PTBP3: variants seen among roughly 807,000 people sequenced by gnomAD.
The protein encoded by PTBP3 is polypyrimidine tract-binding protein 3.
Under a neutral mutation model 58.7 loss-of-function variants are expected in PTBP3, and 20 were observed. The ratio of observed to expected loss-of-function variants is 0.34; its 90% CI spans 0.24 to 0.50. The LOEUF (loss-of-function observed/expected upper bound fraction) is 0.50. PTBP3 is among the 20% of genes least tolerant of loss of function. PTBP3 has a pLI of 0.98. For synonymous variants in PTBP3, 185 were observed against 219.8 expected (o/e 0.84, Z 1.40); for missense variants, 509 against 637.2 (o/e 0.80, Z 2.17).
At chr9:112,337,606 A>G (rs144890236), upstream of PTBP3, among the ~76,000 whole-genome samples, 7 of 152,274 alleles carry the variant, frequency 4.6e-5, no homozygotes, top group African/African-American at 9.6e-5. Context: ...CATTTTCTCT[A>G]TTTGCTAATT....
In PTBP3 at chr9:112,268,079, T is replaced by C; in HGVS notation, c.321A>G (p.Glu107=). 5 of 1,613,406 alleles carry C rather than the reference T, an allele frequency of 3.1e-6. No individual in the cohort carries two copies. Among genetic ancestry groups the C allele is most frequent in the Non-Finnish European group, 4.2e-6 (5 of 1,179,682 alleles). ...GATTAGGTAGATTGTCAGTCTTAAG[T>C]TCTCTGTGATTGGAATACTGAATAT... ...PVYIQYSNHR[E]LKTDNLPNQA... is the part of the protein sequence containing the mutation. The change falls in exon 4 of 14, where the codon GAA becomes GAG. Residue 107 remains glutamate, a synonymous_variant. Transcript: ENST00000374257.
the PTBP3 span, among the ~76,000 whole-genome samples, chr9:112,345,470 G>A: frequency 1.3e-5 from 2 of 151,050 alleles, no homozygotes; most frequent in African/African-American, 4.9e-5. Flanking sequence ...CCACCTCCTG[G>A]GTTCAGGTGA....
intron 1 of PTBP3, among the ~76,000 whole-genome samples, chr9:112,300,802 A>C (rs555375376): frequency 6.6e-6 from 1 of 152,174 alleles, no homozygotes; most frequent in East Asian, 1.9e-4. Context: ...TTGCATTTAT[A>C]TGGGGTACAA....
At chr9:112,305,784 CA>C (rs1309723815) in intron 1 of PTBP3, among the ~76,000 whole-genome samples, 4 of 151,922 alleles carry the variant, frequency 2.6e-5, no homozygotes, top group Non-Finnish European at 5.9e-5. Context: ...ACCAAAAATA[CA>C]AAAAATGAGC....
the PTBP3 span, among the ~76,000 whole-genome samples, chr9:112,348,185 G>A: frequency 6.6e-6 from 1 of 152,216 alleles, no homozygotes; most frequent in Non-Finnish European, 1.5e-5. Context: ...GCAGGCATGA[G>A]CAGGGCAGGA....
At chr9:112,320,710 A>G (rs958399627) in intron 1 of PTBP3, among the ~76,000 whole-genome samples, 11 of 152,232 alleles carry the variant, frequency 7.2e-5, no homozygotes, top group Admixed American at 2.6e-4. Context: ...ATCAAGGGAT[A>G]AGAATACAGT....
At chr9:112,238,653 A>C (rs1014364838) in intron 7 of PTBP3, among the ~76,000 whole-genome samples, 1 of 152,120 alleles carries the variant, frequency 6.6e-6, no homozygotes, top group African/African-American at 2.4e-5. Flanking sequence ...GGACACCAAA[A>C]AGGAAAATCC....
chr9:112,289,327 T>G (rs969702080), intron 2 of PTBP3, among the ~76,000 whole-genome samples: 3 of 152,290 alleles, frequency 2.0e-5, no homozygotes, highest in African/African-American at 7.2e-5. Flanking sequence ...TCTTCTACAT[T>G]GCTTATATCA....
chr9:112,322,197 G>C (rs1457850684), intron 1 of PTBP3, among the ~76,000 whole-genome samples: 2 of 149,442 alleles, frequency 1.3e-5, no homozygotes, highest in African/African-American at 5.0e-5. Flanking sequence ...AGGGGGAACA[G>C]TAACCTCTGT....
the PTBP3 span, among the ~76,000 whole-genome samples, chr9:112,370,601 C>T: frequency 1.3e-5 from 2 of 151,940 alleles, no homozygotes; most frequent in Admixed American, 6.6e-5. Flanking sequence ...TTCAAATTGT[C>T]TTAGCTATTG....
intron 1 of PTBP3, among the ~76,000 whole-genome samples, chr9:112,316,238 T>C (rs1829697899): frequency 6.6e-6 from 1 of 152,180 alleles, no homozygotes. Context: ...AAAGTATAGG[T>C]TGCACCTAGA....
At chr9:112,274,197 C>T (rs1246057888) in intron 3 of PTBP3, among the ~76,000 whole-genome samples, 2 of 152,064 alleles carry the variant, frequency 1.3e-5, no homozygotes, top group African/African-American at 4.8e-5. Context: ...TCTTAGTAAC[C>T]TCATGTGAAT....
intron 1 of PTBP3, among the ~76,000 whole-genome samples, chr9:112,303,636 C>A (rs554698118): frequency 9.9e-5 from 15 of 151,956 alleles, no homozygotes; most frequent in African/African-American, 1.9e-4. Flanking sequence ...GAGGCTGAGG[C>A]GGGCAGATCA....
chr9:112,315,121 G>A lies in PTBP3; in HGVS notation c.-51-17205C>T, dbSNP rs146155867. On this transcript the variant is annotated intron_variant, in intron 1 of 13. Coordinates refer to ENST00000374257, the MANE Select transcript of PTBP3 (RefSeq NM_001163788.4). ...GCTGGGATTACAGGCATGAGCCACC[G>A]CCCCCGGCCCCCACTGACATTTAAA... Among the ~76,000 whole-genome samples the A allele has an allele frequency of 7.4e-3, 1,120 of 151,770 alleles. 104 individuals are homozygous for A. In the East Asian group the frequency reaches 0.18, roughly 25 times the overall value.
chr9:112,351,364 T>C, the PTBP3 span, among the ~76,000 whole-genome samples: 13 of 152,212 alleles, frequency 8.5e-5, no homozygotes, highest in Non-Finnish European at 1.8e-4. Context: ...GGAGAAAGAC[T>C]ACAGAGATAA....
chr9:112,372,370 C>T, the PTBP3 span, among the ~76,000 whole-genome samples: 1 of 152,108 alleles, frequency 6.6e-6, no homozygotes, highest in African/African-American at 2.4e-5. Flanking sequence ...TGAGCAACTG[C>T]ACCTGGTTTT....
At chr9:112,379,680 C>A in the PTBP3 span, among the ~76,000 whole-genome samples, 3 of 152,104 alleles carry the variant, frequency 2.0e-5, no homozygotes, top group African/African-American at 7.2e-5. Context: ...CAGGCTCGGG[C>A]GTAGGGGCAA....
At chr9:112,348,893 A>G in the PTBP3 span, among the ~76,000 whole-genome samples, 1 of 152,060 alleles carries the variant, frequency 6.6e-6, no homozygotes, top group Non-Finnish European at 1.5e-5. Flanking sequence ...AGCAAACTCC[A>G]CTCACGGGTT....
At chr9:112,325,277 A>G (rs1274366230) in intron 1 of PTBP3, among the ~76,000 whole-genome samples, 1 of 152,224 alleles carries the variant, frequency 6.6e-6, no homozygotes, top group African/African-American at 2.4e-5. Flanking sequence ...ACATATGTGC[A>G]GTAAGGGAAA....
Sources: gnomAD v4.1 joint callset for allele counts (sites outside exome capture counted in the v4.1 genomes callset) on GRCh38, gnomAD v4.1.1 for gene constraint, MANE v1.5 for transcripts, NCBI Gene and HGNC (gene_info 2026-07-23, HGNC 2026-07-21) for gene names.